Variants in DLGAP1 observed in about 807,000 individuals in gnomAD.
DLGAP1 encodes the protein DLG associated protein 1, also known as disks large-associated protein 1.
Under a neutral mutation model 90.8 loss-of-function variants are expected in DLGAP1, and 11 were observed. The ratio of observed to expected loss-of-function variants is 0.12; its 90% confidence interval spans 0.08 to 0.20. DLGAP1 has a LOEUF of 0.20. Ranked by LOEUF, DLGAP1 falls within the 10% of genes least tolerant of loss-of-function variation. The pLI is 1.00. For synonymous variants in DLGAP1, 558 were observed against 540.7 expected (o/e 1.03, Z -0.44); for missense variants, 1,050 against 1,333.8 (o/e 0.79, Z 3.31).
chr18:3,778,553 G>C (rs774403971), intron 5 of DLGAP1, among the ~76,000 whole-genome samples: 2 of 152,158 alleles, frequency 1.3e-5, no homozygotes, highest in South Asian at 4.1e-4. Flanking sequence ...AGTGTGGGCT[G>C]TATAGGCAGG....
At chr18:3,702,701 C>T (rs2061320600) in intron 7 of DLGAP1, among the ~76,000 whole-genome samples, 1 of 152,200 alleles carries the variant, frequency 6.6e-6, no homozygotes, top group Non-Finnish European at 1.5e-5. Flanking sequence ...AAGTAAATCT[C>T]TGTGGGGAGC....
intron 2 of DLGAP1, among the ~76,000 whole-genome samples, chr18:4,077,448 C>T (rs543154006): frequency 6.6e-6 from 1 of 152,070 alleles, no homozygotes; most frequent in Admixed American, 6.6e-5. Flanking sequence ...GGTGTCTGGG[C>T]CATGGGGGTG....
rs199645775 is a variant in DLGAP1, at chr18:3,941,575, AC to A, written c.-72-61436del. On this transcript the variant is annotated intron_variant, in intron 3 of 12. Transcript: ENST00000315677. ...AATTATAAAATCAGAAGCCTGGAGG[AC>A]CCTTGGGATTCAGAGAGAGAAATAT... is the stretch of plus-strand genomic sequence containing the variant. Among the ~76,000 whole-genome samples the A allele has an allele frequency of 2.0e-3, 305 of 152,322 alleles. 1 individual carries two copies. The highest frequency in any genetic ancestry group is 6.3e-3 in the African/African-American group (262 of 41,568).
intron 7 of DLGAP1, among the ~76,000 whole-genome samples, chr18:3,665,659 G>C (rs1360805158): frequency 6.6e-6 from 1 of 152,186 alleles, no homozygotes; most frequent in Non-Finnish European, 1.5e-5. Flanking sequence ...AATGGGTTTA[G>C]TAGGCTTCCA....
intron 1 of DLGAP1, among the ~76,000 whole-genome samples, chr18:4,286,675 A>C (rs1469660084): frequency 6.6e-6 from 1 of 152,180 alleles, no homozygotes; most frequent in East Asian, 1.9e-4. Context: ...GGCAGTGTTC[A>C]TGATGGAACT....
rs151183093 is a variant in DLGAP1, at chr18:3,958,359, T to C, written c.-73+46757A>G. Among the ~76,000 whole-genome samples the C allele has an allele frequency of 1.8e-4, 27 of 150,646 alleles. No individual in the cohort carries two copies. The East Asian group carries it at 5.3e-3, about 30-fold the overall frequency. On this transcript the variant is annotated intron_variant, in intron 3 of 12. Transcript: ENST00000315677. ...ACAACTACAATAAGGAAGTTATGTA[T>C]GCATGATAAGGAGGTAGAAGAAGCA...
intron 7 of DLGAP1, among the ~76,000 whole-genome samples, chr18:3,710,225 A>C (rs2061557756): frequency 6.6e-6 from 1 of 152,136 alleles, no homozygotes; most frequent in Non-Finnish European, 1.5e-5. Flanking sequence ...ACACACTCTT[A>C]TCCTACTCCT....
intron 1 of DLGAP1, among the ~76,000 whole-genome samples, chr18:4,403,361 C>A (rs2082596315): frequency 6.6e-6 from 1 of 151,906 alleles, no homozygotes; most frequent in Non-Finnish European, 1.5e-5. Flanking sequence ...GTAATTTTAC[C>A]CACATAATGA....
At chr18:4,307,451 A>G (rs1270842188) in intron 1 of DLGAP1, among the ~76,000 whole-genome samples, 1 of 152,176 alleles carries the variant, frequency 6.6e-6, no homozygotes, top group Non-Finnish European at 1.5e-5. Flanking sequence ...TCACACACAA[A>G]GTTACACAGC....
chr18:3,939,433 AAAAAAACCAACAAAAAAAC>A (rs1184945966), intron 3 of DLGAP1, among the ~76,000 whole-genome samples: 1 of 150,348 alleles, frequency 6.7e-6, no homozygotes, highest in Non-Finnish European at 1.5e-5. Context: ...AAAAAAAAAA[AAAAAAACCAACAAAAAAAC>A]ACCAAAAAAA....
intron 4 of DLGAP1, among the ~76,000 whole-genome samples, chr18:3,840,970 T>C (rs547995909): frequency 1.3e-5 from 2 of 152,326 alleles, no homozygotes; most frequent in South Asian, 4.1e-4. Flanking sequence ...ACTCTCATGG[T>C]CAACACAAAA....
intron 1 of DLGAP1, among the ~76,000 whole-genome samples, chr18:4,366,441 C>T (rs964716490): frequency 3.3e-5 from 5 of 152,042 alleles, no homozygotes; most frequent in African/African-American, 9.7e-5. Context: ...GCATGTCATG[C>T]ACTGTCAATA....
intron 11 of DLGAP1, among the ~76,000 whole-genome samples, chr18:3,503,899 C>T (rs1387931101): frequency 1.3e-5 from 2 of 152,156 alleles, no homozygotes; most frequent in African/African-American, 2.4e-5. Context: ...AGTTCGAGAC[C>T]AGCCTGGCCA....
intron 3 of DLGAP1, among the ~76,000 whole-genome samples, chr18:3,891,775 A>G (rs1381759006): frequency 6.6e-6 from 1 of 152,126 alleles, no homozygotes; most frequent in African/African-American, 2.4e-5. Context: ...AGTAATTTTT[A>G]AATTTTTTTT....
chr18:4,448,227 A>G (rs2083715964), intron 1 of DLGAP1, among the ~76,000 whole-genome samples: 1 of 152,164 alleles, frequency 6.6e-6, no homozygotes, highest in Non-Finnish European at 1.5e-5. Context: ...CAAAATAAGT[A>G]CATTTGAGCA....
At chr18:3,579,062 T>C (rs915301812) in intron 8 of DLGAP1, among the ~76,000 whole-genome samples, 2 of 152,188 alleles carry the variant, frequency 1.3e-5, no homozygotes, top group Non-Finnish European at 2.9e-5. Context: ...ATTATTATTA[T>C]TCTGAAACTG....
At chr18:4,055,759 G>A (rs576300331) in intron 2 of DLGAP1, among the ~76,000 whole-genome samples, 27 of 152,286 alleles carry the variant, frequency 1.8e-4, no homozygotes, top group African/African-American at 6.0e-4. Flanking sequence ...ATGGTGAGAT[G>A]TGTGTGGGCC....
intron 1 of DLGAP1, among the ~76,000 whole-genome samples, chr18:4,165,230 A>T (rs2076913891): frequency 6.6e-6 from 1 of 152,224 alleles, no homozygotes; most frequent in African/African-American, 2.4e-5. Flanking sequence ...AAGGAGTCAG[A>T]GAAAAATAAT....
At chr18:4,178,178 A>T (rs924184702) in intron 1 of DLGAP1, among the ~76,000 whole-genome samples, 25 of 149,972 alleles carry the variant, frequency 1.7e-4, no homozygotes, top group Middle Eastern at 3.4e-3. Flanking sequence ...CTCTACCTGT[A>T]GAAATCCTAC....
Sources: allele counts gnomAD v4.1 joint callset (sites outside exome capture counted in the v4.1 genomes callset), GRCh38; gene constraint gnomAD v4.1.1; transcripts MANE v1.5; gene names NCBI Gene and HGNC (gene_info 2026-07-23, HGNC 2026-07-21).